Variants in PHACTR1 observed in about 807,000 individuals in gnomAD.
PHACTR1 encodes phosphatase and actin regulator 1, also known as RPEL repeat containing 1.
PHACTR1 carries 16 observed loss-of-function variants against 69.2 expected under a neutral mutation model. The observed-to-expected ratio is 0.23, with a 90% CI of 0.16 to 0.35. The LOEUF is 0.35. Ranked by LOEUF, PHACTR1 falls within the 10% of genes least tolerant of loss-of-function variation. The probability of loss-of-function intolerance (pLI) is 1.00; values close to 1 mark genes in which losing one functional copy is unlikely to be tolerated. For synonymous variants in PHACTR1, 312 were observed against 284.5 expected (o/e 1.10, Z -0.97); for missense variants, 510 against 734.7 (o/e 0.69, Z 3.54).
chr6:13,162,270 T>TG (rs1759146266), intron 6 of PHACTR1, among the ~76,000 whole-genome samples: 1 of 123,276 alleles, frequency 8.1e-6, no homozygotes, highest in Non-Finnish European at 1.8e-5. Flanking sequence ...CGGCTACTTT[T>TG]GTTTTTTTGT....
chr6:12,838,516 T>A (rs1473059705), intron 4 of PHACTR1, among the ~76,000 whole-genome samples: 1 of 152,248 alleles, frequency 6.6e-6, no homozygotes, highest in Non-Finnish European at 1.5e-5. Context: ...AGAAAATTCA[T>A]GCTGGAAAAT....
intron 4 of PHACTR1, among the ~76,000 whole-genome samples, chr6:12,881,317 T>C (rs1783074487): frequency 6.6e-6 from 1 of 152,140 alleles, no homozygotes; most frequent in Non-Finnish European, 1.5e-5. Context: ...AGGTGGAGAA[T>C]TTAAGATAGA....
chr6:12,943,444 T>A (rs1790262550), intron 4 of PHACTR1, among the ~76,000 whole-genome samples: 1 of 152,248 alleles, frequency 6.6e-6, no homozygotes, highest in Non-Finnish European at 1.5e-5. Flanking sequence ...TGTCGATGGC[T>A]GCACAACACT....
chr6:13,182,662 C>G lies in PHACTR1; in HGVS notation c.640C>G (p.Pro214Ala), dbSNP rs1389134777. Residue 214 changes from proline (P) to alanine (A), a missense_variant, in exon 7 of 15, where the codon CCG becomes GCG. Pro to Ala is a conservative substitution (Grantham distance 27). This residue lies in a region of PHACTR1 where 419 missense variants were observed against 530.9 expected (regional missense o/e 0.79). Coordinates refer to ENST00000332995, the MANE Select transcript of PHACTR1 (RefSeq NM_030948.6). ...TCCCTGCTCATATGAGGTGCTCCAA[C>G]CGTCAGACATCATGGATGGGCCAGG... is the stretch of plus-strand genomic sequence containing the variant. ...RDPCSYEVLQ[P>A]SDIMDGPDPG... 8 of 1,573,310 alleles carry G rather than the reference C, an allele frequency of 5.1e-6. No homozygotes were observed. In the Admixed American group the frequency reaches 1.5e-4, roughly 29 times the overall value.
At chr6:13,098,863 C>T (rs207466721) in intron 5 of PHACTR1, among the ~76,000 whole-genome samples, 1 of 152,198 alleles carries the variant, frequency 6.6e-6, no homozygotes, top group Non-Finnish European at 1.5e-5. Flanking sequence ...TTGCCTGAGC[C>T]ATCACAACAG....
At chr6:12,766,036 C>T (rs771352749) in intron 4 of PHACTR1, among the ~76,000 whole-genome samples, 30 of 152,240 alleles carry the variant, frequency 2.0e-4, no homozygotes, top group Non-Finnish European at 3.1e-4. Flanking sequence ...CTCATTGACT[C>T]GGAAATTTTT....
intron 4 of PHACTR1, among the ~76,000 whole-genome samples, chr6:12,862,343 G>A (rs982489044): frequency 6.6e-6 from 1 of 152,236 alleles, no homozygotes; most frequent in South Asian, 2.1e-4. Context: ...TGAGCACAGG[G>A]GATCTTACTG....
intron 7 of PHACTR1, among the ~76,000 whole-genome samples, chr6:13,184,636 A>C (rs1255555410): frequency 6.6e-6 from 1 of 151,956 alleles, no homozygotes; most frequent in Non-Finnish European, 1.5e-5. Flanking sequence ...GCTTCACTGG[A>C]TTTCTGGCCT....
chr6:12,841,009 C>G (rs1537334), intron 4 of PHACTR1, among the ~76,000 whole-genome samples: 28,753 of 152,134 alleles, frequency 0.19, 2,935 homozygotes, highest in African/African-American at 0.26. Flanking sequence ...ATGGAACTCA[C>G]GAAAGTGGCA....
At chr6:13,004,601 G>T (rs1340305017) in intron 4 of PHACTR1, among the ~76,000 whole-genome samples, 1 of 152,180 alleles carries the variant, frequency 6.6e-6, no homozygotes, top group African/African-American at 2.4e-5. Context: ...ATGCAGGTTT[G>T]TTACATAGGT....
chr6:12,775,994 C>A (rs1287970992), intron 4 of PHACTR1, among the ~76,000 whole-genome samples: 1 of 152,198 alleles, frequency 6.6e-6, no homozygotes, highest in East Asian at 1.9e-4. Context: ...TAGTCATGTT[C>A]TTTGTTCTAA....
chr6:12,797,793 C>A (rs1306139813), intron 4 of PHACTR1, among the ~76,000 whole-genome samples: 2 of 152,088 alleles, frequency 1.3e-5, no homozygotes, highest in African/African-American at 4.8e-5. Flanking sequence ...CACCTGTTCC[C>A]TCTACATAGA....
At chr6:13,215,293 A>C (rs1767500368) in intron 8 of PHACTR1, among the ~76,000 whole-genome samples, 1 of 152,208 alleles carries the variant, frequency 6.6e-6, no homozygotes, top group South Asian at 2.1e-4. Flanking sequence ...ATCAGTACCC[A>C]TGAGAGTGCA....
chr6:12,844,120 C>T (rs958996139), intron 4 of PHACTR1, among the ~76,000 whole-genome samples: 2 of 152,124 alleles, frequency 1.3e-5, no homozygotes, highest in African/African-American at 4.8e-5. Flanking sequence ...TCAGGCCAAG[C>T]GCAGTGGCTC....
intron 10 of PHACTR1, among the ~76,000 whole-genome samples, chr6:13,244,462 G>A (rs936178451): frequency 6.6e-6 from 1 of 152,182 alleles, no homozygotes; most frequent in Admixed American, 6.5e-5. Flanking sequence ...ATAAGCCTGG[G>A]AGCGCTATGG....
At chr6:13,256,143 G>A (rs428975) in intron 10 of PHACTR1, among the ~76,000 whole-genome samples, 23,135 of 152,294 alleles carry the variant, frequency 0.15, 2,323 homozygotes, top group Admixed American at 0.26. Flanking sequence ...CCACCAAGGC[G>A]TACAGTTTGC....
At chr6:13,108,633 A>G (rs1816538484) in intron 5 of PHACTR1, among the ~76,000 whole-genome samples, 1 of 152,074 alleles carries the variant, frequency 6.6e-6, no homozygotes, top group African/African-American at 2.4e-5. Context: ...ATTTCTTGTC[A>G]TGAAGGTTAT....
chr6:13,254,909 G>A (rs1239243245), intron 10 of PHACTR1, among the ~76,000 whole-genome samples: 2 of 152,176 alleles, frequency 1.3e-5, no homozygotes, highest in Non-Finnish European at 2.9e-5. Context: ...AGTTAAGAGA[G>A]GACATAAATT....
At chr6:13,217,439 A>G (rs998883422) in intron 8 of PHACTR1, among the ~76,000 whole-genome samples, 2 of 152,126 alleles carry the variant, frequency 1.3e-5, no homozygotes, top group African/African-American at 2.4e-5. Context: ...AAAAGCCACC[A>G]CTGGTTTCTC....
Sources: gnomAD v4.1 joint callset for allele counts (sites outside exome capture counted in the v4.1 genomes callset) on GRCh38, gnomAD v4.1.1 for gene constraint, gnomAD v4.1.1 regional missense constraint, MANE v1.5 for transcripts, NCBI Gene and HGNC (gene_info 2026-07-23, HGNC 2026-07-21) for gene names.